ST6GALNAC3: variants seen among roughly 807,000 people sequenced by gnomAD.
The protein encoded by ST6GALNAC3 is ST6 N-acetylgalactosaminide alpha-2,6-sialyltransferase 3, also known as alpha-N-acetylgalactosaminide alpha-2,6-sialyltransferase 3.
ST6GALNAC3 carries 25 observed loss-of-function variants against 32.7 expected under a neutral mutation model. The ratio of observed to expected loss-of-function variants is 0.76; its 90% CI spans 0.56 to 1.07. The LOEUF is 1.07. Among genes scored for constraint, ST6GALNAC3 ranks in the 50% least tolerant of loss-of-function variants. The pLI, the probability that ST6GALNAC3 is intolerant of heterozygous loss-of-function variation, is 0.00. For synonymous variants in ST6GALNAC3, 129 were observed against 133.1 expected (o/e 0.97, Z 0.21); for missense variants, 355 against 382.4 (o/e 0.93, Z 0.60).
At chr1:76,423,531 C>A (rs1655172789) in intron 3 of ST6GALNAC3, among the ~76,000 whole-genome samples, 1 of 151,882 alleles carries the variant, frequency 6.6e-6, no homozygotes, top group South Asian at 2.1e-4. Context: ...GGATAGGCAA[C>A]CCTTTACAGA....
intron 2 of ST6GALNAC3, among the ~76,000 whole-genome samples, chr1:76,345,893 A>G (rs560091326): frequency 8.5e-4 from 129 of 151,754 alleles, no homozygotes; most frequent in Non-Finnish European, 9.3e-4. Context: ...TGCACTGGCT[A>G]TTGTTTTGCC....
At position 76,524,489 on chromosome 1, in the gene ST6GALNAC3, G is replaced by T. The variant is rs892630915; in HGVS notation, c.624-102963G>T. ...ACTACTATGATATACATTTCTTAAA[G>T]GTAAAGACTTTATGTTATTCATATT... On this transcript the variant is annotated intron_variant, in intron 3 of 4. Transcript: ENST00000328299. Among the ~76,000 whole-genome samples, 8 of 151,998 alleles carry T rather than the reference G, an allele frequency of 5.3e-5. No individual in the cohort carries two copies. The South Asian group carries it at 1.5e-3, about 28-fold the overall frequency.
intron 1 of ST6GALNAC3, among the ~76,000 whole-genome samples, chr1:76,112,104 G>T (rs1648013810): frequency 6.9e-6 from 1 of 145,330 alleles, no homozygotes; most frequent in African/African-American, 2.6e-5. Flanking sequence ...GGGGCGGCTG[G>T]CCGGGCGGGG....
At chr1:76,148,558 C>T (rs972459469) in intron 1 of ST6GALNAC3, among the ~76,000 whole-genome samples, 1 of 152,154 alleles carries the variant, frequency 6.6e-6, no homozygotes, top group Non-Finnish European at 1.5e-5. Context: ...CAGATACTTA[C>T]CACAATGGAT....
chr1:76,229,115 T>C (rs1468725006), intron 1 of ST6GALNAC3, among the ~76,000 whole-genome samples: 4 of 152,042 alleles, frequency 2.6e-5, no homozygotes, highest in Admixed American at 2.0e-4. Flanking sequence ...ACCCACAACC[T>C]GCAGCAACCC....
intron 1 of ST6GALNAC3, among the ~76,000 whole-genome samples, chr1:76,100,801 T>G (rs575554960): frequency 3.9e-4 from 31 of 78,822 alleles, no homozygotes; most frequent in African/African-American, 2.8e-3. Context: ...TCAGAATCTG[T>G]TTTTTTTTTT....
At chr1:76,451,937 A>G (rs1016816982) in intron 3 of ST6GALNAC3, among the ~76,000 whole-genome samples, 1 of 152,190 alleles carries the variant, frequency 6.6e-6, no homozygotes, top group East Asian at 1.9e-4. Context: ...TGCCCTGGCT[A>G]TGACTTCCAG....
At chr1:76,333,503 G>C (rs955030476) in intron 2 of ST6GALNAC3, among the ~76,000 whole-genome samples, 5 of 152,072 alleles carry the variant, frequency 3.3e-5, no homozygotes, top group Non-Finnish European at 7.4e-5. Context: ...TTTTATTTCT[G>C]TAAATCAGTT....
intron 1 of ST6GALNAC3, among the ~76,000 whole-genome samples, chr1:76,225,742 A>G (rs1052361030): frequency 5.3e-5 from 8 of 152,172 alleles, no homozygotes; most frequent in African/African-American, 1.7e-4. Context: ...GAGTTGCACA[A>G]TAGAGATGAA....
At chr1:76,435,859 ATT>A (rs111418233) in intron 3 of ST6GALNAC3, among the ~76,000 whole-genome samples, 3 of 114,916 alleles carry the variant, frequency 2.6e-5, no homozygotes, top group African/African-American at 9.2e-5. Flanking sequence ...TTCTTTTTTT[ATT>A]TTTTTTTTTA....
intron 1 of ST6GALNAC3, among the ~76,000 whole-genome samples, chr1:76,287,865 G>A (rs548604081): frequency 6.6e-6 from 1 of 152,196 alleles, no homozygotes; most frequent in Non-Finnish European, 1.5e-5. Context: ...TTAATTTGGG[G>A]TGAGAATACA....
intron 2 of ST6GALNAC3, among the ~76,000 whole-genome samples, chr1:76,338,930 T>C (rs2100984674): frequency 6.6e-6 from 1 of 152,328 alleles, no homozygotes; most frequent in South Asian, 2.1e-4. Context: ...GAGTGTATAG[T>C]AGGAGAGTCT....
intron 4 of ST6GALNAC3, 91 bp downstream of exon 4, chr1:76,627,650 A>G (rs1649060820): frequency 1.0e-6 from 1 of 986,728 alleles, no homozygotes; most frequent in East Asian, 2.4e-5. Flanking sequence ...AATCTGAGAA[A>G]CAGATAAAGC....
At chr1:76,510,788 G>C (rs1557508620) in intron 3 of ST6GALNAC3, among the ~76,000 whole-genome samples, 1 of 152,108 alleles carries the variant, frequency 6.6e-6, no homozygotes, top group Non-Finnish European at 1.5e-5. Context: ...GCCTACGGTT[G>C]GACAAAAATC....
chr1:76,348,176 T>C (rs1557810468), intron 2 of ST6GALNAC3, among the ~76,000 whole-genome samples: 1 of 152,158 alleles, frequency 6.6e-6, no homozygotes, highest in East Asian at 1.9e-4. Context: ...AAAAATGGCC[T>C]CTACTGTTTA....
downstream of ST6GALNAC3, among the ~76,000 whole-genome samples, chr1:76,635,801 G>A (rs2100750942): frequency 6.6e-6 from 1 of 152,230 alleles, no homozygotes; most frequent in Middle Eastern, 3.4e-3. Context: ...AAGGGAAAGA[G>A]CAAAAAGGAT....
rs4644537 is a variant in ST6GALNAC3 at position 76,555,639 on chromosome 1, G to A, written c.624-71813G>A. On this transcript the variant is annotated intron_variant, in intron 3 of 4. Coordinates refer to ENST00000328299, the MANE Select transcript of ST6GALNAC3 (RefSeq NM_152996.4). ...ATTTGAGGATAAGGTGGAGAGAGCAGATTAGGCTATTGATAGACTGAAGAA... is the reference window on the plus strand; with the variant it reads ...ATTTGAGGATAAGGTGGAGAGAGCAAATTAGGCTATTGATAGACTGAAGAA... Among the ~76,000 whole-genome samples, 10 of 152,284 alleles carry A rather than the reference G, an allele frequency of 6.6e-5. No individual in the cohort carries two copies. In the East Asian group the frequency reaches 1.9e-3, roughly 29 times the overall value.
At chr1:76,421,865 C>G (rs1457139291) in intron 3 of ST6GALNAC3, among the ~76,000 whole-genome samples, 1 of 151,826 alleles carries the variant, frequency 6.6e-6, no homozygotes, top group East Asian at 1.9e-4. Flanking sequence ...TGCAATAGTC[C>G]TCCATTTTCC....
intron 3 of ST6GALNAC3, among the ~76,000 whole-genome samples, chr1:76,415,276 T>A (rs1475998209): frequency 1.3e-5 from 2 of 151,260 alleles, no homozygotes; most frequent in African/African-American, 2.4e-5. Context: ...CATTAATGAT[T>A]ATTTGCTAGA....
Sources: gnomAD v4.1 joint callset for allele counts (sites outside exome capture counted in the v4.1 genomes callset) on GRCh38, gnomAD v4.1.1 for gene constraint, MANE v1.5 for transcripts, NCBI Gene and HGNC (gene_info 2026-07-23, HGNC 2026-07-21) for gene names.